The following SOX5 variants were observed in gnomAD, a reference collection of about 807,000 sequenced individuals.
SOX5 encodes the protein transcription factor SOX-5.
In SOX5, 9 loss-of-function variants were observed where a neutral mutation model predicts 92.0. The observed-to-expected ratio is 0.10, with a 90% CI of 0.06 to 0.17. SOX5 has a LOEUF of 0.17. Ranked by LOEUF, SOX5 falls within the 10% of genes least tolerant of loss-of-function variation. The pLI is 1.00. For synonymous variants in SOX5, 344 were observed against 336.3 expected (o/e 1.02, Z -0.25); for missense variants, 642 against 944.5 (o/e 0.68, Z 4.20).
At chr12:23,945,275 G>A (rs1944379862) in intron 1 of SOX5, among the ~76,000 whole-genome samples, 1 of 152,052 alleles carries the variant, frequency 6.6e-6, no homozygotes, top group Non-Finnish European at 1.5e-5. Flanking sequence ...CAAGATTTTT[G>A]TCAAAAACTC....
intron 1 of SOX5, among the ~76,000 whole-genome samples, chr12:24,521,411 A>C (rs917916202): frequency 1.3e-5 from 2 of 152,238 alleles, no homozygotes; most frequent in Non-Finnish European, 1.5e-5. Flanking sequence ...GCCAGACAGA[A>C]AATCAATAAA....
At chr12:23,712,803 T>G (rs1446294827) in intron 6 of SOX5, among the ~76,000 whole-genome samples, 3 of 152,220 alleles carry the variant, frequency 2.0e-5, no homozygotes, top group Non-Finnish European at 4.4e-5. Flanking sequence ...AAAGCAACTT[T>G]GTACATTCAC....
chr12:23,697,860 C>T (rs2090097908), intron 6 of SOX5, among the ~76,000 whole-genome samples: 1 of 152,126 alleles, frequency 6.6e-6, no homozygotes, highest in Non-Finnish European at 1.5e-5. Flanking sequence ...TGATAATTTA[C>T]ATTTAATAAA....
intron 2 of SOX5, among the ~76,000 whole-genome samples, chr12:24,333,159 G>A (rs1187119144): frequency 2.0e-5 from 3 of 151,932 alleles, no homozygotes; most frequent in African/African-American, 4.8e-5. Context: ...TGAAGATAAT[G>A]AAATATCAAA....
rs773365539 is a variant in SOX5 at position 23,530,042 on chromosome 12, A to ATAGT, written c.*4173_*4176dup. The ATAGT allele has an allele frequency of 1.2e-4, 19 of 152,244 alleles. No homozygotes were observed. The highest frequency in any genetic ancestry group is 2.2e-4 in the Non-Finnish European group (15 of 68,040). The allele number at this position is 152,244 out of a possible 1,614,324, so 9.4% of individuals were successfully genotyped here. A position where few individuals can be genotyped will look rare whatever the true frequency, so the allele number is the denominator to read the frequency against. ...ACATCGTCTTCAACCTGGGAAGTTGATAGTTATAGGATACTTTAAAATTAA... is the reference window on the plus strand; with the variant it reads ...ACATCGTCTTCAACCTGGGAAGTTGATAGTTAGTTATAGGATACTTTAAAATTAA... On this transcript the variant is annotated 3_prime_UTR_variant, in exon 15 of 15. Transcript: ENST00000451604.
intron 3 of SOX5, among the ~76,000 whole-genome samples, chr12:23,784,203 C>A (rs1436034625): frequency 6.6e-6 from 1 of 152,134 alleles, no homozygotes; most frequent in Non-Finnish European, 1.5e-5. Context: ...CTGAATAGCT[C>A]TGGGCAAATC....
chr12:24,430,542 CCA>C (rs1219559178), intron 1 of SOX5, among the ~76,000 whole-genome samples: 4 of 151,458 alleles, frequency 2.6e-5, no homozygotes, highest in African/African-American at 7.3e-5. Context: ...TGAAAAGAAA[CCA>C]CACACACACA....
intron 4 of SOX5, among the ~76,000 whole-genome samples, chr12:24,127,390 CAAT>C (rs1365554851): frequency 8.1e-6 from 1 of 123,746 alleles, no homozygotes. Flanking sequence ...GACCCTATCT[CAAT>C]AATAATAATA....
At chr12:24,358,368 G>T (rs927369710) in intron 2 of SOX5, among the ~76,000 whole-genome samples, 3 of 152,194 alleles carry the variant, frequency 2.0e-5, no homozygotes, top group Admixed American at 2.0e-4. Flanking sequence ...AGTGATTACA[G>T]TATTAATCAC....
At chr12:24,234,918 C>T (rs966945296) in intron 3 of SOX5, among the ~76,000 whole-genome samples, 4 of 151,978 alleles carry the variant, frequency 2.6e-5, no homozygotes, top group African/African-American at 2.4e-5. Flanking sequence ...GCCAAGATTG[C>T]GGCTAAACAT....
chr12:23,597,909 T>C (rs922814651), intron 9 of SOX5, among the ~76,000 whole-genome samples: 1 of 152,224 alleles, frequency 6.6e-6, no homozygotes, highest in African/African-American at 2.4e-5. Flanking sequence ...CGGTTATAAT[T>C]AGCTGAGGCT....
intron 4 of SOX5, among the ~76,000 whole-genome samples, chr12:24,103,173 C>T (rs1447451383): frequency 1.3e-5 from 2 of 152,036 alleles, no homozygotes; most frequent in Non-Finnish European, 2.9e-5. Flanking sequence ...ATAAGTTGTA[C>T]AAGAGGTTCA....
rs182139460 is a variant in SOX5 at position 24,467,895 on chromosome 12, G to A, written c.-251+94434C>T. On this transcript the variant is annotated intron_variant, in intron 1 of 4. Transcript: ENST00000446891. ...GCTTTTACTCCATGCCAACTAGTGG[G>A]CTACTTCATGGCTGTCTGGACCCCT... is the stretch of plus-strand genomic sequence containing the variant. Among the ~76,000 whole-genome samples, 605 of 152,290 alleles carry A rather than the reference G, an allele frequency of 4.0e-3. 2 individuals are homozygous for A. The highest frequency in any genetic ancestry group is 0.013 in the African/African-American group (528 of 41,558).
chr12:23,809,308 T>C (rs2095834986), intron 3 of SOX5, among the ~76,000 whole-genome samples: 1 of 152,138 alleles, frequency 6.6e-6, no homozygotes, highest in Non-Finnish European at 1.5e-5. Flanking sequence ...TTACACCTTC[T>C]ATTACATTTT....
At chr12:24,528,439 A>G (rs749585897) in intron 1 of SOX5, among the ~76,000 whole-genome samples, 1 of 152,246 alleles carries the variant, frequency 6.6e-6, no homozygotes, top group Admixed American at 6.5e-5. Context: ...TGAAAAGTTG[A>G]AAGAGTATCC....
chr12:23,839,300 T>C (rs1796487127), intron 3 of SOX5, among the ~76,000 whole-genome samples: 1 of 152,068 alleles, frequency 6.6e-6, no homozygotes, highest in African/African-American at 2.4e-5. Flanking sequence ...ATCAATATGA[T>C]ACATTGGGGA....
In SOX5 at chr12:23,911,878, C is replaced by T. The variant is rs78956303; in HGVS notation, c.39-15854G>A. 7.4e-4 allele frequency among the ~76,000 whole-genome samples: 112 copies of T among 152,204 alleles called. 2 individuals are homozygous for T. The East Asian group carries it at 0.021, about 29-fold the overall frequency. On this transcript the variant is annotated intron_variant, in intron 1 of 14. Coordinates refer to ENST00000451604, the MANE Select transcript of SOX5 (RefSeq NM_006940.6). ...GAAACACAGAAGAACATCTTCGTGG[C>T]CTTGGGTTAGGCAATGGTTTGCTAC...
chr12:24,295,010 G>T (rs1256636706), intron 2 of SOX5, among the ~76,000 whole-genome samples: 1 of 152,134 alleles, frequency 6.6e-6, no homozygotes, highest in African/African-American at 2.4e-5. Context: ...TCCCAAGTTT[G>T]TGGTTTTTAT....
intron 11 of SOX5, among the ~76,000 whole-genome samples, chr12:23,562,233 T>C (rs1946339230): frequency 6.6e-6 from 1 of 152,100 alleles, no homozygotes. Flanking sequence ...ACGATAGAAT[T>C]GAAATCGTTT....
Sources: gnomAD v4.1 joint callset for allele counts (sites outside exome capture counted in the v4.1 genomes callset) on GRCh38, gnomAD v4.1.1 for gene constraint, MANE v1.5 for transcripts, NCBI Gene and HGNC (gene_info 2026-07-23, HGNC 2026-07-21) for gene names.